GFM2: variants seen among roughly 807,000 people sequenced by gnomAD.
GFM2 encodes GTP dependent ribosome recycling factor mitochondrial 2.
GFM2 carries 72 observed loss-of-function variants against 95.4 expected under a neutral mutation model. The ratio of observed to expected loss-of-function variants is 0.76; its 90% confidence interval spans 0.62 to 0.92. The LOEUF is 0.92. GFM2 is among the 40% of genes least tolerant of loss of function. The pLI, the probability that GFM2 is intolerant of heterozygous loss-of-function variation, is 0.00. For synonymous variants in GFM2, 276 were observed against 317.5 expected, an observed-to-expected ratio of 0.87 and a Z score of 1.39; for missense variants, 825 against 924.1, an observed-to-expected ratio of 0.89 and a Z score of 1.39.
rs1341561694 is a variant in GFM2 at position 74,758,811 on chromosome 5, C to T, written c.304+38G>A. On this transcript the variant is annotated intron_variant, in intron 5 of 20. Transcript: ENST00000296805. ...AAAATATTTTCCAATGATGCTTTTG[C>T]TAATGGGGGGGTGGGAAGAGGAGGA... 10 of 1,269,220 alleles carry T rather than the reference C, an allele frequency of 7.9e-6. No homozygotes were observed. In the Admixed American group the frequency reaches 1.0e-4, roughly 13 times the overall value. The allele number at this position is 1,269,220 out of a possible 1,614,324, so 78.6% of individuals were successfully genotyped here. A position where few individuals can be genotyped will look rare whatever the true frequency, so the allele number is the denominator to read the frequency against.
chr5:74,746,689 G>A (rs1198224611), intron 8 of GFM2, among the ~76,000 whole-genome samples: 1 of 152,136 alleles, frequency 6.6e-6, no homozygotes, highest in Non-Finnish European at 1.5e-5. Flanking sequence ...TGGCACACAA[G>A]CTGATTTACA....
At chr5:74,739,449 T>C (rs535402535) in intron 12 of GFM2, among the ~76,000 whole-genome samples, 3 of 152,192 alleles carry the variant, frequency 2.0e-5, no homozygotes, top group Admixed American at 6.6e-5. Context: ...ACAAAGCCTG[T>C]GCTCTTCACC....
At chr5:74,722,873 A>ATAATTC (rs1272123363) in intron 19 of GFM2, among the ~76,000 whole-genome samples, 1 of 152,088 alleles carries the variant, frequency 6.6e-6, no homozygotes, top group Non-Finnish European at 1.5e-5. Flanking sequence ...TCTGTTCCTG[A>ATAATTC]TGTCTATAAT....
chr5:74,741,641 T>C (rs768622368), intron 10 of GFM2, 32 bp from the exon 11 acceptor site: 56 of 1,159,274 alleles, frequency 4.8e-5, no homozygotes, highest in Non-Finnish European at 6.8e-5. Context: ...TTCTATAACT[T>C]GCATTTACTT....
chr5:74,731,529 GT>G (rs1326804322), intron 16 of GFM2, among the ~76,000 whole-genome samples: 2 of 152,052 alleles, frequency 1.3e-5, no homozygotes, highest in Admixed American at 1.3e-4. Flanking sequence ...CATTGCAAAT[GT>G]TTAAAACCCT....
At chr5:74,750,214 G>T (rs1200789822) in intron 7 of GFM2, among the ~76,000 whole-genome samples, 2 of 152,080 alleles carry the variant, frequency 1.3e-5, no homozygotes, top group Non-Finnish European at 2.9e-5. Flanking sequence ...CAGAAAAATG[G>T]AACTATTAGG....
At position 74,757,222 on chromosome 5, in the gene GFM2, T is replaced by C. The variant is rs139515040; in HGVS notation, c.304+1627A>G. Among the ~76,000 whole-genome samples the C allele has an allele frequency of 1.4e-3, 211 of 152,268 alleles. 2 individuals carry two copies. Among genetic ancestry groups the C allele is most frequent in the African/African-American group, 4.7e-3 (194 of 41,544 alleles). On this transcript the variant is annotated intron_variant, in intron 5 of 20. Transcript: ENST00000296805. Reference sequence around the variant, plus strand: ...ATCACAGAGCAAATGTGTGTGTATATAAAAGAGAGAGAGAACATTCTATGT... The same window carrying C: ...ATCACAGAGCAAATGTGTGTGTATACAAAAGAGAGAGAGAACATTCTATGT...
chr5:74,736,191 A>T lies in GFM2; in HGVS notation c.1510+605T>A, dbSNP rs114852633. Among the ~76,000 whole-genome samples the T allele has an allele frequency of 9.9e-3, 1,513 of 152,294 alleles. 16 individuals carry two copies. The highest frequency in any genetic ancestry group is 0.016 in the Non-Finnish European group (1,056 of 68,020). ...AAATAAATTTTTGTCCTATTAAAGC[A>T]ATTGTTATTTGGGGGTTTTCTGCTA... is the stretch of plus-strand genomic sequence containing the variant. On this transcript the variant is annotated intron_variant, in intron 15 of 20. Transcript: ENST00000296805.
intron 11 of GFM2, 52 bp downstream of exon 11, chr5:74,741,477 A>T: frequency 1.2e-6 from 1 of 851,618 alleles, no homozygotes; most frequent in Non-Finnish European, 1.9e-6. Flanking sequence ...GAGAAATCAA[A>T]CTACATCCAA....
intron 15 of GFM2, among the ~76,000 whole-genome samples, chr5:74,733,912 A>G (rs1324120935): frequency 6.6e-6 from 1 of 152,216 alleles, no homozygotes; most frequent in East Asian, 1.9e-4. Context: ...TTTAGATGGC[A>G]TTAAGTATGC....
Position 74,747,619 on chromosome 5 carries a change from T to C in GFM2, c.608+73A>G. ...AGGAAAAAAAATAGCTATTCCTAAATTTAAGTTATAGTTCATTAAAAGCTC... is the reference window on the plus strand; with the variant it reads ...AGGAAAAAAAATAGCTATTCCTAAACTTAAGTTATAGTTCATTAAAAGCTC... On this transcript the variant is annotated intron_variant, in intron 8 of 20. Coordinates refer to ENST00000296805, the MANE Select transcript of GFM2 (RefSeq NM_032380.5). 3.6e-6 allele frequency: 3 copies of C among 843,690 alleles called. No homozygotes were observed. In the East Asian group the frequency reaches 7.6e-5, roughly 21 times the overall value. The allele number at this position is 843,690 out of a possible 1,614,324, so 52.3% of individuals were successfully genotyped here.
At chr5:74,762,258 C>T (rs11948188) in intron 2 of GFM2, among the ~76,000 whole-genome samples, 54,390 of 152,016 alleles carry the variant, frequency 0.36, 12,964 homozygotes, top group African/African-American at 0.68. Context: ...ACAGCAGTCA[C>T]ACCCTATCCA....
chr5:74,734,243 G>A (rs11956317), intron 15 of GFM2, among the ~76,000 whole-genome samples: 3,675 of 151,878 alleles, frequency 0.024, 154 homozygotes, highest in African/African-American at 0.084. Flanking sequence ...AAATATCTCA[G>A]TAATATTAAT....
chr5:74,764,435 C>A (rs1744438063), intron 1 of GFM2, among the ~76,000 whole-genome samples: 1 of 152,138 alleles, frequency 6.6e-6, no homozygotes, highest in African/African-American at 2.4e-5. Flanking sequence ...ATGCGGCCCA[C>A]GATATCTTTA....
chr5:74,734,644 CTAAG>C (rs1742743561), intron 15 of GFM2, among the ~76,000 whole-genome samples: 2 of 152,106 alleles, frequency 1.3e-5, no homozygotes. Context: ...GCGTATGACA[CTAAG>C]TGACTTTTGG....
At chr5:74,758,291 C>T (rs901365950) in intron 5 of GFM2, among the ~76,000 whole-genome samples, 4 of 151,956 alleles carry the variant, frequency 2.6e-5, no homozygotes, top group Non-Finnish European at 4.4e-5. Context: ...ATCTGAATTG[C>T]GAAGAACTAT....
chr5:74,754,415 A>AAGAATGGT (rs1743874956), intron 5 of GFM2, among the ~76,000 whole-genome samples: 1 of 152,156 alleles, frequency 6.6e-6, no homozygotes, highest in Non-Finnish European at 1.5e-5. Flanking sequence ...TTAAAAGATA[A>AAGAATGGT]AGAATGGTAG....
chr5:74,747,485 T>G (rs962623257), intron 8 of GFM2, among the ~76,000 whole-genome samples: 4 of 152,250 alleles, frequency 2.6e-5, no homozygotes, highest in African/African-American at 9.6e-5. Context: ...ATTCACCATC[T>G]ATCAGCTATT....
intron 2 of GFM2, among the ~76,000 whole-genome samples, chr5:74,762,471 C>A (rs1744333045): frequency 6.6e-6 from 1 of 152,156 alleles, no homozygotes. Context: ...GCAAAAATGT[C>A]TTTTTCTTTC....
Sources: allele counts gnomAD v4.1 joint callset (sites outside exome capture counted in the v4.1 genomes callset), GRCh38; gene constraint gnomAD v4.1.1; transcripts MANE v1.5; gene names NCBI Gene and HGNC (gene_info 2026-07-23, HGNC 2026-07-21).